NDST3: variants seen among roughly 807,000 people sequenced by gnomAD.
The protein encoded by NDST3 is bifunctional heparan sulfate N-deacetylase/N-sulfotransferase 3.
A neutral mutation model predicts 96.1 loss-of-function variants in NDST3; 58 were observed. The observed-to-expected ratio is 0.60, with a 90% CI of 0.49 to 0.75. The LOEUF (loss-of-function observed/expected upper bound fraction) is 0.75. NDST3 is among the 30% of genes least tolerant of loss of function. The pLI is 0.00. For synonymous variants in NDST3, 333 were observed against 359.7 expected, an observed-to-expected ratio of 0.93 and a Z score of 0.84; for missense variants, 788 against 1,034.2, an observed-to-expected ratio of 0.76 and a Z score of 3.27.
rs546003841 is a variant in NDST3 at position 118,142,454 on chromosome 4, A to AAAAAT, written c.1411-1082_1411-1078dup. Among the ~76,000 whole-genome samples, 25 of 152,056 alleles carry AAAAAT rather than the reference A, an allele frequency of 1.6e-4. 1 individual carries two copies. The East Asian group carries it at 2.1e-3, about 13-fold the overall frequency. ...ACACATTCAAACTAAAATAAAAAAT[A>AAAAAT]AAAATAAAATAAAATAAAATAAAAA... On this transcript the variant is annotated intron_variant, in intron 5 of 13. Coordinates refer to ENST00000296499, the MANE Select transcript of NDST3 (RefSeq NM_004784.3).
chr4:118,236,034 G>A (rs1740623486), intron 9 of NDST3, among the ~76,000 whole-genome samples: 1 of 151,396 alleles, frequency 6.6e-6, no homozygotes, highest in African/African-American at 2.4e-5. Context: ...ACAAGACACT[G>A]TAAAAAAAAA....
chr4:118,104,930 T>C lies in NDST3; in HGVS notation c.982-88T>C. ...TCTCACATGTATAAGGAACTGGTTT[T>C]ATCCTCTGAATGCAAAAAGGATATA... On this transcript the variant is annotated intron_variant, in intron 2 of 13. Transcript: ENST00000296499. The C allele has an allele frequency of 2.9e-6, 3 of 1,039,462 alleles. No individual in the cohort carries two copies. The South Asian group carries it at 4.3e-5, about 15-fold the overall frequency. 64.4% of individuals were successfully genotyped at this position (1,039,462 alleles called of 1,614,324 possible).
At chr4:118,153,300 T>A (rs1408388409) in intron 6 of NDST3, among the ~76,000 whole-genome samples, 1 of 152,174 alleles carries the variant, frequency 6.6e-6, no homozygotes, top group Non-Finnish European at 1.5e-5. Context: ...CCAATAGGCA[T>A]TTATATCTTG....
intron 6 of NDST3, among the ~76,000 whole-genome samples, chr4:118,178,508 A>T (rs2125946926): frequency 6.6e-6 from 1 of 152,114 alleles, no homozygotes; most frequent in African/African-American, 2.4e-5. Context: ...CATGTGTCAG[A>T]ATTTTCTTCC....
rs1737505888 is a variant in NDST3 at position 118,194,090 on chromosome 4, CT to C, written c.1540-30400del. On this transcript the variant is annotated intron_variant, in intron 6 of 13. Coordinates refer to ENST00000296499, the MANE Select transcript of NDST3 (RefSeq NM_004784.3). ...TGGTGGGATTTGGAACTTTTCCTTC[CT>C]AACACTGCCAAAAGCATAGCTGGGT... 55 of 1,410,238 alleles carry C rather than the reference CT, an allele frequency of 3.9e-5. 1 individual carries two copies. The South Asian group carries it at 5.8e-4, about 15-fold the overall frequency. 87.4% of individuals were successfully genotyped at this position (1,410,238 alleles called of 1,614,324 possible). A position where few individuals can be genotyped will look rare whatever the true frequency, so the allele number is the denominator to read the frequency against.
Position 118,034,883 on chromosome 4 carries a change from T to G in NDST3, c.-156+291T>G, listed in dbSNP as rs184084333. On this transcript the variant is annotated intron_variant, in intron 1 of 13. Transcript: ENST00000296499. The stretch of plus-strand genomic sequence containing the variant: ...TCACCAACTTATAATGATTCTGAAG[T>G]AGATCTGTTTAACAGAACACATGTC... Among the ~76,000 whole-genome samples, 416 of 152,316 alleles carry G rather than the reference T, an allele frequency of 2.7e-3. 2 individuals are homozygous for G. Among genetic ancestry groups the G allele is most frequent in the African/African-American group, 9.4e-3 (392 of 41,572 alleles).
chr4:118,046,454 T>C (rs1265563863), intron 1 of NDST3, among the ~76,000 whole-genome samples: 1 of 152,198 alleles, frequency 6.6e-6, no homozygotes. Context: ...CAGAAGAAAG[T>C]AGAGCTGACT....
At chr4:118,229,321 T>C (rs1740119471) in intron 8 of NDST3, among the ~76,000 whole-genome samples, 1 of 152,230 alleles carries the variant, frequency 6.6e-6, no homozygotes, top group African/African-American at 2.4e-5. Flanking sequence ...AGTATTTTTC[T>C]GGATAATTTT....
chr4:118,127,352 T>C (rs1431723949), intron 4 of NDST3, among the ~76,000 whole-genome samples: 1 of 152,086 alleles, frequency 6.6e-6, no homozygotes, highest in African/African-American at 2.4e-5. Flanking sequence ...CTTTAATATA[T>C]TGGTTTGATT....
chr4:118,188,129 C>T (rs1469569472), intron 6 of NDST3, among the ~76,000 whole-genome samples: 1 of 151,780 alleles, frequency 6.6e-6, no homozygotes, highest in Admixed American at 6.6e-5. Flanking sequence ...GAATGAAATC[C>T]CTCTATAAAT....
At chr4:118,116,595 T>C (rs979529712) in intron 4 of NDST3, among the ~76,000 whole-genome samples, 1 of 152,176 alleles carries the variant, frequency 6.6e-6, no homozygotes, top group Non-Finnish European at 1.5e-5. Flanking sequence ...CAGTGGCTCA[T>C]GCCTGTAATC....
intron 2 of NDST3, among the ~76,000 whole-genome samples, chr4:118,065,336 G>A (rs1726222853): frequency 6.6e-6 from 1 of 152,122 alleles, no homozygotes; most frequent in African/African-American, 2.4e-5. Flanking sequence ...TGAGTCAACA[G>A]TAGTTAACTA....
intron 6 of NDST3, among the ~76,000 whole-genome samples, chr4:118,149,535 C>G (rs1371446058): frequency 4.9e-5 from 7 of 144,146 alleles, no homozygotes; most frequent in Non-Finnish European, 9.2e-5. Context: ...TGGGAGTTCA[C>G]TCATGATTTG....
chr4:118,035,429 CTTTT>C (rs1349827156), intron 1 of NDST3, among the ~76,000 whole-genome samples: 5 of 105,228 alleles, frequency 4.8e-5, no homozygotes, highest in Non-Finnish European at 1.0e-4. Context: ...GGGACACACA[CTTTT>C]TTTTTGTTTT....
At chr4:118,194,605 C>A in intron 6 of NDST3, 1 of 724,210 alleles carries the variant, frequency 1.4e-6, no homozygotes, top group Non-Finnish European at 2.6e-6. Context: ...AGATTCAGTC[C>A]CCAATCATGG....
intron 6 of NDST3, among the ~76,000 whole-genome samples, chr4:118,197,803 C>CTTTTT (rs749135213): frequency 4.7e-5 from 6 of 127,384 alleles, no homozygotes; most frequent in Non-Finnish European, 6.6e-5. Flanking sequence ...TGGCTTTTGG[C>CTTTTT]TTTTTTTTTT....
chr4:118,192,740 A>T (rs1578793479), intron 6 of NDST3, among the ~76,000 whole-genome samples: 5 of 147,896 alleles, frequency 3.4e-5, no homozygotes, highest in African/African-American at 2.5e-5. Context: ...TATTGTTTCC[A>T]CTTTATTGCT....
intron 6 of NDST3, among the ~76,000 whole-genome samples, chr4:118,186,710 C>A (rs1342053436): frequency 6.6e-6 from 1 of 152,146 alleles, no homozygotes; most frequent in Non-Finnish European, 1.5e-5. Flanking sequence ...ACTTTGCATC[C>A]TTCAATCCAG....
At chr4:118,171,201 A>G (rs977260448) in intron 6 of NDST3, among the ~76,000 whole-genome samples, 25 of 152,192 alleles carry the variant, frequency 1.6e-4, no homozygotes, top group African/African-American at 6.0e-4. Context: ...TTTGTAGTAG[A>G]AACTTCAGCC....
Sources: gnomAD v4.1 joint callset for allele counts (sites outside exome capture counted in the v4.1 genomes callset) on GRCh38, gnomAD v4.1.1 for gene constraint, MANE v1.5 for transcripts, NCBI Gene and HGNC (gene_info 2026-07-23, HGNC 2026-07-21) for gene names.